The following PCDHGB2 variants were observed in gnomAD, a reference collection of about 807,000 sequenced individuals.
PCDHGB2 encodes protocadherin gamma-B2.
Under a neutral mutation model 59.3 loss-of-function variants are expected in PCDHGB2, and 55 were observed. The observed-to-expected ratio is 0.93, with a 90% confidence interval of 0.75 to 1.16. The LOEUF is 1.16. PCDHGB2 is among the 50% of genes most tolerant of loss of function. PCDHGB2 has a pLI of 0.00. For missense variants in PCDHGB2, 1,228 were observed against 1,198.5 expected (o/e 1.02, Z -0.36); for synonymous variants, 516 against 512.0 (o/e 1.01, Z -0.11).
Position 141,476,852 on chromosome 5 carries a change from C to T in PCDHGB2, c.2422-17955C>T. 6.2e-7 allele frequency: 1 copy of T among 1,613,828 alleles called. No homozygotes were observed. Among genetic ancestry groups the T allele is most frequent in the Non-Finnish European group, 8.5e-7 (1 of 1,180,044 alleles). ...GAATGACAATGCGCCTGTCTTCAAC[C>T]AGTCCTTGTACCGGGCGCGCGTCCT... On this transcript the variant is annotated intron_variant, in intron 1 of 3. Coordinates refer to ENST00000522605, the MANE Select transcript of PCDHGB2 (RefSeq NM_018923.3). This position sits in a 1 kb window ranked among gnomAD's most constrained non-coding sequence, Gnocchi z 7.6.
At chr5:141,364,811 G>A (rs1239930592) in intron 1 of PCDHGB2, 1 of 1,613,902 alleles carries the variant, frequency 6.2e-7, no homozygotes, top group Non-Finnish European at 8.5e-7. Context: ...GCGGGATGCG[G>A]ATGTGGGTGT....
At chr5:141,436,300 G>A (rs966232889) in intron 1 of PCDHGB2, among the ~76,000 whole-genome samples, 1 of 152,180 alleles carries the variant, frequency 6.6e-6, no homozygotes, top group African/African-American at 2.4e-5. Flanking sequence ...TTGAGAGTTA[G>A]AGCATGAATA....
Position 141,361,013 on chromosome 5 carries a change from A to C in PCDHGB2, c.878A>C (p.Asn293Thr), listed in dbSNP as rs185853995. 6.2e-7 allele frequency: 1 copy of C among 1,613,268 alleles called. No homozygotes were observed. Among genetic ancestry groups the C allele is most frequent in the South Asian group, 1.1e-5 (1 of 91,016 alleles). The change falls in exon 1 of 4, where the codon AAC becomes ACC. Residue 293 changes from asparagine (N) to threonine (T), a missense_variant. This residue lies in a region of PCDHGB2 where 781 missense variants were observed against 721.6 expected (regional missense o/e 1.08). Transcript: ENST00000522605. ...NVDEQVKHFFNLNEKTGEITT... is the reference protein window; with the variant it reads ...NVDEQVKHFFTLNEKTGEITT... Reference sequence around the variant, plus strand: ...GACGAACAAGTGAAACACTTTTTCAACTTAAATGAAAAAACAGGAGAAATC... The same window carrying C: ...GACGAACAAGTGAAACACTTTTTCACCTTAAATGAAAAAACAGGAGAAATC...
chr5:141,404,745 C>T, intron 1 of PCDHGB2: 1 of 1,613,966 alleles, frequency 6.2e-7, no homozygotes, highest in Non-Finnish European at 8.5e-7. Flanking sequence ...GACAGAGACT[C>T]AGGCCAGAAT....
At chr5:141,393,583 C>A in intron 1 of PCDHGB2, 1 of 1,613,930 alleles carries the variant, frequency 6.2e-7, no homozygotes, top group Non-Finnish European at 8.5e-7. Context: ...AACATGCCCC[C>A]AGGCACGCGG....
At chr5:141,428,146 C>T (rs549173211) in intron 1 of PCDHGB2, 15 of 1,589,346 alleles carry the variant, frequency 9.4e-6, no homozygotes, top group East Asian at 2.2e-5. Context: ...GGGCTGCACA[C>T]GGGAACCTGC....
rs2096175268 is a variant in PCDHGB2, at chr5:141,417,870, G to A, written c.2421+55314G>A. On this transcript the variant is annotated intron_variant, in intron 1 of 3. Transcript: ENST00000522605. ...GAACCCGAGCGAACGATGGGAGGGA[G>A]CTGCGCGCAGAGGCGCCGGGCCGGC... 3 of 1,553,910 alleles carry A rather than the reference G, an allele frequency of 1.9e-6. No homozygotes were observed. Among genetic ancestry groups the A allele is most frequent in the Admixed American group, 2.0e-5 (1 of 51,084 alleles).
intron 1 of PCDHGB2, chr5:141,383,806 A>C: frequency 6.2e-7 from 1 of 1,614,006 alleles, no homozygotes; most frequent in Non-Finnish European, 8.5e-7. Context: ...AGAAATATCA[A>C]CTTTAGAAGG....
chr5:141,408,897 T>C (rs1156707427), intron 1 of PCDHGB2: 1 of 1,613,118 alleles, frequency 6.2e-7, no homozygotes, highest in East Asian at 2.2e-5. Context: ...GAAATTTCTG[T>C]CAAGGATACC....
At position 141,493,323 on chromosome 5, in the gene PCDHGB2, C is replaced by T. The variant is rs542332335; in HGVS notation, c.2422-1484C>T. Among the ~76,000 whole-genome samples the T allele has an allele frequency of 6.6e-6, 1 of 152,294 alleles. No homozygotes were observed. The highest frequency in any genetic ancestry group is 6.5e-5 in the Admixed American group (1 of 15,300). On this transcript the variant is annotated intron_variant, in intron 1 of 3. Transcript: ENST00000522605. The surrounding 1 kb of genome is among the most constrained non-coding windows in gnomAD (Gnocchi z 4.3). ...AGAGCAAGTAAGAGAGATTCTAACC[C>T]CTGTCTAACTCCAGAATGTGTGCTT...
At chr5:141,363,501 C>T (rs187528196) in intron 1 of PCDHGB2, among the ~76,000 whole-genome samples, 5 of 152,306 alleles carry the variant, frequency 3.3e-5, no homozygotes, top group African/African-American at 1.2e-4. Context: ...AATAAAACCC[C>T]ATCCTCCACA....
At chr5:141,415,315 G>A (rs201784236) in intron 1 of PCDHGB2, 2 of 1,614,220 alleles carry the variant, frequency 1.2e-6, no homozygotes, top group Middle Eastern at 1.6e-4. Context: ...CTTCGTCATC[G>A]TGCTGCTGGC....
At chr5:141,395,727 T>G (rs895493332) in intron 1 of PCDHGB2, 1 of 153,998 alleles carries the variant, frequency 6.5e-6, no homozygotes, top group Non-Finnish European at 1.4e-5. Flanking sequence ...TGTAGATTTC[T>G]TCACTTTAAA....
chr5:141,386,729 G>A (rs2090690425), intron 1 of PCDHGB2, among the ~76,000 whole-genome samples: 1 of 152,182 alleles, frequency 6.6e-6, no homozygotes, highest in South Asian at 2.1e-4. Context: ...CAATGTTACT[G>A]AGGGAAGATC....
intron 2 of PCDHGB2, 179 bp downstream of exon 2, chr5:141,495,044 T>C (rs2099758475): frequency 1.1e-6 from 1 of 944,572 alleles, no homozygotes; most frequent in Non-Finnish European, 1.3e-6. Flanking sequence ...AAGAGGCGAC[T>C]GCCCTGACTG....
chr5:141,384,321 G>A (rs6883770), intron 1 of PCDHGB2: 89,474 of 1,613,740 alleles, frequency 0.055, 2,962 homozygotes, highest in African/African-American at 0.14. Flanking sequence ...TTTTCTTAGT[G>A]ACTGCACAGG....
intron 1 of PCDHGB2, chr5:141,402,866 T>A (rs1339290452): frequency 4.2e-6 from 6 of 1,442,196 alleles, no homozygotes; most frequent in Non-Finnish European, 5.5e-6. Context: ...AAGGAAAAGA[T>A]CACCATACTT....
intron 1 of PCDHGB2, chr5:141,478,687 A>G: frequency 6.4e-7 from 1 of 1,551,218 alleles, no homozygotes; most frequent in Middle Eastern, 1.7e-4. Context: ...CCCTTCCTAG[A>G]TCAAAGTTAG....
chr5:141,483,538 G>C (rs571240759), intron 1 of PCDHGB2, among the ~76,000 whole-genome samples: 1 of 152,230 alleles, frequency 6.6e-6, no homozygotes, highest in African/African-American at 2.4e-5. Flanking sequence ...AAGCTGGGTG[G>C]TTGACAGTGC....
Sources: allele counts gnomAD v4.1 joint callset (sites outside exome capture counted in the v4.1 genomes callset), GRCh38; gene constraint gnomAD v4.1.1; regional missense constraint gnomAD v4.1.1; non-coding constraint Gnocchi (gnomAD v3.1); transcripts MANE v1.5; gene names NCBI Gene and HGNC (gene_info 2026-07-23, HGNC 2026-07-21).